Variants in PMF1 observed in about 807,000 individuals in gnomAD.
The protein encoded by PMF1 is polyamine modulated factor 1.
In PMF1, 21 loss-of-function variants were observed where a neutral mutation model predicts 26.7. That is an observed-to-expected ratio of 0.79 (90% CI 0.56 to 1.13). The LOEUF (loss-of-function observed/expected upper bound fraction) is 1.13, where lower values mean the gene tolerates loss of function less well. Ranked by LOEUF, PMF1 falls within the 50% of genes most tolerant of loss-of-function variation. The probability of loss-of-function intolerance (pLI) is 0.00; values close to 1 mark genes in which losing one functional copy is unlikely to be tolerated. For synonymous variants in PMF1, 105 were observed against 101.0 expected, an observed-to-expected ratio of 1.04 and a Z score of -0.24; for missense variants, 266 against 254.9, an observed-to-expected ratio of 1.04 and a Z score of -0.30.
chr1:156,231,906 G>A (rs959460858), intron 1 of PMF1, among the ~76,000 whole-genome samples: 4 of 152,104 alleles, frequency 2.6e-5, no homozygotes, highest in Non-Finnish European at 5.9e-5. Context: ...GCTCTTTTTA[G>A]GAGTAAGCCA....
chr1:156,234,166 G>A (rs757627495), intron 3 of PMF1, among the ~76,000 whole-genome samples: 6 of 152,200 alleles, frequency 3.9e-5, no homozygotes, highest in Non-Finnish European at 8.8e-5. Context: ...TTTTGACAGG[G>A]ACAAGTAGAG....
intron 1 of PMF1, among the ~76,000 whole-genome samples, chr1:156,216,634 G>A (rs1295554044): frequency 6.6e-6 from 1 of 151,766 alleles, no homozygotes; most frequent in Non-Finnish European, 1.5e-5. Flanking sequence ...CCGGGTCTCT[G>A]ACCCACCCGG....
Position 156,232,423 on chromosome 1 carries a change from C to T in PMF1, c.265C>T (p.Arg89Trp), listed in dbSNP as rs150630684. ...TATAGCTCAGTTGCAGACATCTATC[C>T]GGGTGAGTGGCGGGAAGCCTGGCAG... ...KFIAQLQTSIREEISDIKEEG... is the reference protein window; with the variant it reads ...KFIAQLQTSIWEEISDIKEEG... Residue 89 changes from arginine to tryptophan, a missense_variant and splice_region_variant, in exon 2 of 5, where the codon CGG becomes TGG. Transcript: ENST00000368277. 1.3e-4 allele frequency: 207 copies of T among 1,613,546 alleles called. No homozygotes were observed. Among genetic ancestry groups the T allele is most frequent in the Non-Finnish European group, 1.7e-4 (198 of 1,179,678 alleles).
In PMF1 at chr1:156,239,539, T is replaced by G. The variant is rs368036535; in HGVS notation, c.565-9T>G. On this transcript the variant is annotated splice_polypyrimidine_tract_variant and intron_variant, in intron 4 of 4. Transcript: ENST00000368277. ...TCCCAGTTTGTCTGTTGTCTCCCAT[T>G]GATTTCAGGCTCTACACAGAGAACA... is the stretch of plus-strand genomic sequence containing the variant. The G allele has an allele frequency of 6.2e-7, 1 of 1,612,238 alleles. No homozygotes were observed. Among genetic ancestry groups the G allele is most frequent in the African/African-American group, 1.3e-5 (1 of 74,946 alleles).
In PMF1 at chr1:156,236,402, GCTGGCAGATGCCGTC is replaced by G; in HGVS notation, c.491_505del (p.Asp164_Ala168del). On this transcript the variant is annotated inframe_deletion, in exon 4 of 5. Transcript: ENST00000368277. ...AGAAACAGGAGGCCGAGAACCAGCA[GCTGGCAGATGCCGTC>G]CTGGCAGGGCGGAGGCAGGTGGAGG... The G allele has an allele frequency of 6.2e-7, 1 of 1,614,234 alleles. No homozygotes were observed. The highest frequency in any genetic ancestry group is 8.5e-7 in the Non-Finnish European group (1 of 1,180,034).
intron 1 of PMF1, among the ~76,000 whole-genome samples, chr1:156,216,643 G>A (rs1373102805): frequency 6.6e-6 from 1 of 151,688 alleles, no homozygotes; most frequent in Non-Finnish European, 1.5e-5. Context: ...TGACCCACCC[G>A]GGGGCGGCGG....
intron 1 of PMF1, among the ~76,000 whole-genome samples, chr1:156,216,686 G>A (rs1469555062): frequency 6.6e-6 from 1 of 151,758 alleles, no homozygotes; most frequent in African/African-American, 2.4e-5. Context: ...GCCCCCGTGC[G>A]CTCTCCGCTG....
intron 1 of PMF1, among the ~76,000 whole-genome samples, chr1:156,215,825 A>G (rs931796991): frequency 6.6e-6 from 1 of 152,040 alleles, no homozygotes; most frequent in Non-Finnish European, 1.5e-5. Flanking sequence ...AGTGGCTGGG[A>G]TTACAGGCAT....
chr1:156,226,313 G>A (rs1350274050), intron 1 of PMF1, among the ~76,000 whole-genome samples: 1 of 152,194 alleles, frequency 6.6e-6, no homozygotes, highest in Non-Finnish European at 1.5e-5. Flanking sequence ...TCTCAGTTTT[G>A]AAACTCAGTA....
At chr1:156,214,711 C>A (rs1193882050) in intron 1 of PMF1, among the ~76,000 whole-genome samples, 4 of 151,132 alleles carry the variant, frequency 2.6e-5, no homozygotes, top group Admixed American at 6.6e-5. Flanking sequence ...CCATTGCACT[C>A]CAGCCTAGGT....
intron 3 of PMF1, among the ~76,000 whole-genome samples, chr1:156,235,511 G>A (rs1466584286): frequency 2.2e-5 from 3 of 133,446 alleles, no homozygotes; most frequent in Non-Finnish European, 4.7e-5. Context: ...GCGCGATCTT[G>A]GCTCACTGCA....
At chr1:156,229,561 C>A (rs1012117220) in intron 1 of PMF1, among the ~76,000 whole-genome samples, 1 of 137,658 alleles carries the variant, frequency 7.3e-6, no homozygotes, top group East Asian at 2.1e-4. Flanking sequence ...TCTTTAGGAC[C>A]TTTGTTTTGT....
chr1:156,222,377 T>G (rs1282876063), intron 1 of PMF1, among the ~76,000 whole-genome samples: 1 of 143,350 alleles, frequency 7.0e-6, no homozygotes, highest in Non-Finnish European at 1.5e-5. Flanking sequence ...CATATATGAA[T>G]ACATACTTTT....
chr1:156,237,476 T>C (rs1285947073), intron 4 of PMF1, among the ~76,000 whole-genome samples: 1 of 144,654 alleles, frequency 6.9e-6, no homozygotes, highest in Non-Finnish European at 1.5e-5. Flanking sequence ...AGACAGAGTC[T>C]CACTCTGTTG....
At chr1:156,233,589 A>G (rs746032483) in intron 2 of PMF1, 39 bp from the exon 3 acceptor site, 4 of 1,605,262 alleles carry the variant, frequency 2.5e-6, no homozygotes, top group East Asian at 2.2e-5. Context: ...CCATGAGCTC[A>G]TCTCGTGTCA....
intron 1 of PMF1, among the ~76,000 whole-genome samples, chr1:156,218,957 G>C (rs959400432): frequency 6.7e-6 from 1 of 149,510 alleles, no homozygotes. Flanking sequence ...GTCTCGGTCT[G>C]TCCCCCAGGC....
intron 1 of PMF1, among the ~76,000 whole-genome samples, chr1:156,224,845 G>A (rs115132002): frequency 0.038 from 5,745 of 152,144 alleles, 146 homozygotes; most frequent in Non-Finnish European, 0.056. Flanking sequence ...CAGTCCTGGG[G>A]CTTCCCAGTG....
intron 1 of PMF1, among the ~76,000 whole-genome samples, chr1:156,222,445 C>T (rs984725479): frequency 7.9e-5 from 12 of 152,050 alleles, no homozygotes; most frequent in Admixed American, 3.9e-4. Flanking sequence ...TGCAATGGCA[C>T]GATCTCAGCT....
At chr1:156,221,795 T>G (rs1658095735) in intron 1 of PMF1, among the ~76,000 whole-genome samples, 1 of 152,234 alleles carries the variant, frequency 6.6e-6, no homozygotes, top group Non-Finnish European at 1.5e-5. Flanking sequence ...GAATTACCAC[T>G]ATCCATTCTC....
Sources: gnomAD v4.1 joint callset for allele counts (sites outside exome capture counted in the v4.1 genomes callset) on GRCh38, gnomAD v4.1.1 for gene constraint, MANE v1.5 for transcripts, NCBI Gene and HGNC (gene_info 2026-07-23, HGNC 2026-07-21) for gene names.